The following SLC18B1 variants were observed in gnomAD, a reference collection of about 807,000 sequenced individuals.
SLC18B1 encodes the protein MFS-type transporter SLC18B1.
SLC18B1 carries 62 observed loss-of-function variants against 53.9 expected under a neutral mutation model. The observed-to-expected ratio is 1.15, with a 90% CI of 0.94 to 1.42. The LOEUF is 1.42. SLC18B1 is among the 40% of genes most tolerant of loss of function. The pLI, the probability that SLC18B1 is intolerant of heterozygous loss-of-function variation, is 0.00. For missense variants in SLC18B1, 598 were observed against 547.3 expected, an observed-to-expected ratio of 1.09 and a Z score of -0.93; for synonymous variants, 217 against 200.9, an observed-to-expected ratio of 1.08 and a Z score of -0.68.
rs149512313 is a variant in SLC18B1, at chr6:132,776,355, T to C, written c.870A>G (p.Leu290=). 1.9e-6 allele frequency: 3 copies of C among 1,613,210 alleles called. No homozygotes were observed. The highest frequency in any genetic ancestry group is 2.2e-5 in the East Asian group (1 of 44,830). ...GCCTTTTATCACTTAGGAGACCAAA[T>C]AGTGGTGAAGAGATGGCATAGGACA... ...MALSYAISSP[L]FGLLSDKRPP... is the part of the protein sequence containing the mutation. The change falls in exon 8 of 14, where the codon CTA becomes CTG. Residue 290 remains leucine (L), a synonymous_variant. Transcript: ENST00000275227.
chr6:132,770,764 C>G (rs1339981018), intron 13 of SLC18B1, 126 bp downstream of exon 13: 1 of 900,888 alleles, frequency 1.1e-6, no homozygotes. Context: ...AAGTATCTAC[C>G]AACTGATGAG....
chr6:132,789,253 G>A (rs577236930), intron 4 of SLC18B1, among the ~76,000 whole-genome samples: 1 of 152,300 alleles, frequency 6.6e-6, no homozygotes, highest in African/African-American at 2.4e-5. Context: ...CATCAGCAAA[G>A]GTCAGGCCAG....
In SLC18B1 at chr6:132,787,432, A is replaced by G. The variant is rs1781404117; in HGVS notation, c.501+2T>C. ...AGTGGGAAATACTTCTAAAATACATACCAATACCGTAGCCACGTTATTTGG... is the reference window on the plus strand; with the variant it reads ...AGTGGGAAATACTTCTAAAATACATGCCAATACCGTAGCCACGTTATTTGG... On this transcript the variant is annotated splice_donor_variant, in intron 5 of 13. Transcript: ENST00000275227. LOFTEE classifies it high-confidence loss of function. The G allele has an allele frequency of 9.5e-6, 15 of 1,586,138 alleles. No individual in the cohort carries two copies. Among genetic ancestry groups the G allele is most frequent in the Non-Finnish European group, 1.3e-5 (15 of 1,171,202 alleles).
At position 132,770,866 on chromosome 6, in the gene SLC18B1, A is replaced by T. The variant is rs771856913; in HGVS notation, c.1304+24T>A. ...CACTGGCTAACTTTTAAAGAGAGAA[A>T]AAAAGCCCCAAAATTGACCATACCT... On this transcript the variant is annotated intron_variant, in intron 13 of 13. Coordinates refer to ENST00000275227, the MANE Select transcript of SLC18B1 (RefSeq NM_052831.3). 3.3e-5 allele frequency: 53 copies of T among 1,591,632 alleles called. 2 individuals carry two copies. In the South Asian group the frequency reaches 6.1e-4, roughly 18 times the overall value.
At chr6:132,772,901 C>G (rs572173662) in intron 10 of SLC18B1, 92 bp downstream of exon 10, 1 of 870,564 alleles carries the variant, frequency 1.1e-6, no homozygotes, top group South Asian at 1.6e-5. Flanking sequence ...GCAAAAATAT[C>G]CAACATGCTG....
chr6:132,782,308 G>A (rs554103575), intron 6 of SLC18B1, among the ~76,000 whole-genome samples: 9 of 151,648 alleles, frequency 5.9e-5, no homozygotes, highest in African/African-American at 2.2e-4. Context: ...CTATATTTAT[G>A]GTATAAAACA....
chr6:132,789,822 C>T lies in SLC18B1; in HGVS notation c.295G>A (p.Ala99Thr), dbSNP rs1306544543. The change falls in exon 4 of 14, where the codon GCA becomes ACA. Residue 99 changes from alanine (A) to threonine (T), a missense_variant. By Grantham distance (58) the Ala-to-Thr change is moderately conservative (BLOSUM62 0). Coordinates refer to ENST00000275227, the MANE Select transcript of SLC18B1 (RefSeq NM_052831.3). ...ATTCCTGCTACAAACATAAATTTTG[C>T]TCCAATATGTACAAGCTATAATAAA... ...VFGNYLVHIG[A>T]KFMFVAGMFV... The T allele has an allele frequency of 6.2e-6, 10 of 1,612,584 alleles. No homozygotes were observed. Among genetic ancestry groups the T allele is most frequent in the Non-Finnish European group, 7.6e-6 (9 of 1,178,700 alleles).
chr6:132,780,978 C>A (rs1035559905), intron 6 of SLC18B1, among the ~76,000 whole-genome samples: 4 of 152,088 alleles, frequency 2.6e-5, no homozygotes, highest in African/African-American at 9.7e-5. Flanking sequence ...GGAGAAACAC[C>A]ACTGTGTGGC....
chr6:132,779,208 G>C, intron 7 of SLC18B1, 60 bp downstream of exon 7: 1 of 1,591,726 alleles, frequency 6.3e-7, no homozygotes, highest in Non-Finnish European at 8.6e-7. Context: ...CAGGGCCCAA[G>C]AACAAGCAGT....
At chr6:132,786,442 G>A (rs994503709) in intron 5 of SLC18B1, among the ~76,000 whole-genome samples, 4 of 151,686 alleles carry the variant, frequency 2.6e-5, no homozygotes, top group African/African-American at 9.7e-5. Context: ...CCAGCTACTC[G>A]GGAGGCTGAG....
chr6:132,796,991 GA>G lies in SLC18B1; in HGVS notation c.173del (p.Phe58SerfsTer17), dbSNP rs1245585349. 1.2e-6 allele frequency: 2 copies of G among 1,612,610 alleles called. No homozygotes were observed. The highest frequency in any genetic ancestry group is 3.3e-5 in the Admixed American group (2 of 59,888). On this transcript the variant is annotated frameshift_variant, in exon 2 of 14. Coordinates refer to ENST00000275227, the MANE Select transcript of SLC18B1 (RefSeq NM_052831.3). LOFTEE classifies it high-confidence loss of function. The part of the protein sequence containing the change: ...MMCYSILGPF[F>X]PKEAEKKGAS... ...TTTAAAAATGTCTTACCTCTTTGGG[GA>G]AAAACGGTCCAAGTATAGAATAGCA...
In SLC18B1 at chr6:132,773,044, G is replaced by C; in HGVS notation, c.1034C>G (p.Ser345Cys). ...LVLILVVSGL[S>C]AGMSIIPTFP... Reference sequence around the variant, plus strand: ...AGTTGGAATTATACTCATTCCAGCAGAGAGGCCACTTACAACTAATATCAG... The same window carrying C: ...AGTTGGAATTATACTCATTCCAGCACAGAGGCCACTTACAACTAATATCAG... Residue 345 changes from serine (S) to cysteine (C), a missense_variant, in exon 10 of 14, where the codon TCT becomes TGT. Ser to Cys is a moderately radical substitution (Grantham distance 112). Coordinates refer to ENST00000275227, the MANE Select transcript of SLC18B1 (RefSeq NM_052831.3). 1 of 1,614,062 alleles carries C rather than the reference G, an allele frequency of 6.2e-7. No individual in the cohort carries two copies. The highest frequency in any genetic ancestry group is 8.5e-7 in the Non-Finnish European group (1 of 1,179,934).
At position 132,784,000 on chromosome 6, in the gene SLC18B1, A is replaced by T; in HGVS notation, c.591T>A (p.Pro197=). ...AAACGACGCATCCCAGAACAATAAA[A>T]GGCACTTCATAGCCAAAGGATTGAT... ...FLYQSFGYEV[P]FIVLGCVVLL... is the part of the protein sequence containing the mutation. Residue 197 remains proline (P), a synonymous_variant, in exon 6 of 14, where the codon CCT becomes CCA. Transcript: ENST00000275227. 1 of 1,611,510 alleles carries T rather than the reference A, an allele frequency of 6.2e-7. No individual in the cohort carries two copies. The highest frequency in any genetic ancestry group is 8.5e-7 in the Non-Finnish European group (1 of 1,178,904).
At chr6:132,795,066 G>A (rs1355974631) in intron 2 of SLC18B1, among the ~76,000 whole-genome samples, 3 of 151,812 alleles carry the variant, frequency 2.0e-5, no homozygotes, top group Admixed American at 2.0e-4. Flanking sequence ...CCTTTCTTCT[G>A]CTATCCACAC....
chr6:132,794,121 T>TTTTG (rs1781613509), intron 2 of SLC18B1, among the ~76,000 whole-genome samples: 2 of 150,736 alleles, frequency 1.3e-5, no homozygotes, highest in South Asian at 2.1e-4. Flanking sequence ...TTTTTTTTTT[T>TTTTG]GAGATGGAGT....
chr6:132,782,331 A>C (rs1781259878), intron 6 of SLC18B1, among the ~76,000 whole-genome samples: 1 of 152,190 alleles, frequency 6.6e-6, no homozygotes, highest in African/African-American at 2.4e-5. Context: ...ATATTTTGAT[A>C]TGTGTATACA....
intron 13 of SLC18B1, 48 bp from the exon 14 acceptor site, chr6:132,770,384 AAAC>A: frequency 7.0e-7 from 1 of 1,436,840 alleles, no homozygotes; most frequent in Non-Finnish European, 9.8e-7. Flanking sequence ...CTCATCTTAA[AAAC>A]AAACAAACAA....
At position 132,769,413 on chromosome 6, in the gene SLC18B1, T is replaced by G. The variant is rs1780915500; in HGVS notation, c.*857A>C. 1 of 152,178 alleles carries G rather than the reference T, an allele frequency of 6.6e-6. No individual in the cohort carries two copies. The highest frequency in any genetic ancestry group is 2.1e-4 in the South Asian group (1 of 4,826). 9.4% of individuals were successfully genotyped at this position (152,178 alleles called of 1,614,324 possible). A position where few individuals can be genotyped will look rare whatever the true frequency, so the allele number is the denominator to read the frequency against. ...CATTTATTCACTTCAACATCACAAT[T>G]TCACACGAAGTTGGAGGAAGCCCTT... On this transcript the variant is annotated 3_prime_UTR_variant, in exon 14 of 14. Transcript: ENST00000275227.
chr6:132,770,939 C>T lies in SLC18B1; in HGVS notation c.1255G>A (p.Gly419Arg), dbSNP rs368128212. The T allele has an allele frequency of 1.3e-5, 21 of 1,612,360 alleles. No individual in the cohort carries two copies. In the African/African-American group the frequency reaches 2.7e-4, roughly 21 times the overall value. ...AIQGLWALIS[G>R]LAMGLFYLLE... ...AGATAAAACAAGCCCATGGCTAATC[C>T]CTTAAACACAATTAAAAGTACTGAT... Residue 419 changes from glycine (G) to arginine (R), a missense_variant and splice_region_variant, in exon 13 of 14, where the codon GGA becomes AGA. Gly to Arg is a moderately radical substitution (Grantham distance 125). Transcript: ENST00000275227.
Sources: gnomAD v4.1 joint callset for allele counts (sites outside exome capture counted in the v4.1 genomes callset) on GRCh38, gnomAD v4.1.1 for gene constraint, MANE v1.5 for transcripts, NCBI Gene and HGNC (gene_info 2026-07-23, HGNC 2026-07-21) for gene names.